The following RASAL1 variants were observed in gnomAD, a reference collection of about 807,000 sequenced individuals.
The protein encoded by RASAL1 is RAS protein activator like 1, also known as rasGAP-activating-like protein 1.
In RASAL1, 72 loss-of-function variants were observed where a neutral mutation model predicts 96.6. That is an observed-to-expected ratio of 0.75 (90% CI 0.62 to 0.91). The LOEUF (loss-of-function observed/expected upper bound fraction) is 0.91. Among genes scored for constraint, RASAL1 ranks in the 40% least tolerant of loss-of-function variants. The pLI is 0.00. For synonymous variants in RASAL1, 405 were observed against 430.4 expected (o/e 0.94, Z 0.73); for missense variants, 1,016 against 1,072.5 (o/e 0.95, Z 0.74).
Position 113,135,463 on chromosome 12 carries a change from G to A in RASAL1, c.-1C>T, listed in dbSNP as rs200175893. On this transcript the variant is annotated 5_prime_UTR_variant, in exon 1 of 21. Coordinates refer to ENST00000548055, the MANE Select transcript of RASAL1 (RefSeq NM_001301202.2). The surrounding 1 kb of genome is among the most constrained non-coding windows in gnomAD (Gnocchi z 5.7). ...CATTCAGGGAGCTGCTCTTGGCCAT[G>A]GCGCCTAGCCACAAACTTTCCAGGC... is the stretch of plus-strand genomic sequence containing the variant. The A allele has an allele frequency of 6.2e-7, 1 of 1,604,984 alleles. No individual in the cohort carries two copies. Among genetic ancestry groups the A allele is most frequent in the East Asian group, 2.3e-5 (1 of 44,340 alleles).
Position 113,130,320 on chromosome 12 carries a change from G to T in RASAL1, c.122+565C>A, listed in dbSNP as rs957758482. On this transcript the variant is annotated intron_variant, in intron 2 of 20. Coordinates refer to ENST00000548055, the MANE Select transcript of RASAL1 (RefSeq NM_001301202.2). This position sits in a 1 kb window ranked among gnomAD's most constrained non-coding sequence, Gnocchi z 5.1. ...CTTTGTGACCAAATCAGCTGGCATT[G>T]GTGTTCACATGCATGTGCAGGGCAG... Among the ~76,000 whole-genome samples the T allele has an allele frequency of 1.3e-5, 2 of 152,192 alleles. No homozygotes were observed. The highest frequency in any genetic ancestry group is 2.9e-5 in the Non-Finnish European group (2 of 68,026).
In RASAL1 at chr12:113,130,902, G is replaced by T; in HGVS notation, c.105C>A (p.Asp35Glu). Reference sequence around the variant, plus strand: ...CCCCTCACCTGGCCACCACCTCGTCGTCCACTTTCACTAGGCAGTAGGGGT... The same window carrying T: ...CCCCTCACCTGGCCACCACCTCGTCTTCCACTTTCACTAGGCAGTAGGGGT... ...SSDPYCLVKV[D>E]DEVVARTATV... The change falls in exon 2 of 21, where the codon GAC (aspartate) becomes GAA (glutamate). Residue 35 changes from aspartate (D) to glutamate (E), a missense_variant. By Grantham distance (45) the Asp-to-Glu change is conservative. Transcript: ENST00000548055. This position sits in a 1 kb window ranked among gnomAD's most constrained non-coding sequence, Gnocchi z 5.1. 2 of 1,613,282 alleles carry T rather than the reference G, an allele frequency of 1.2e-6. No homozygotes were observed. Among genetic ancestry groups the T allele is most frequent in the Non-Finnish European group, 1.7e-6 (2 of 1,179,656 alleles).
Position 113,129,118 on chromosome 12 carries a change from C to G in RASAL1, c.123-940G>C, listed in dbSNP as rs546161471. Among the ~76,000 whole-genome samples the G allele has an allele frequency of 1.3e-5, 2 of 152,330 alleles. No homozygotes were observed. The highest frequency in any genetic ancestry group is 4.1e-4 in the South Asian group (2 of 4,826). On this transcript the variant is annotated intron_variant, in intron 2 of 20. Coordinates refer to ENST00000548055, the MANE Select transcript of RASAL1 (RefSeq NM_001301202.2). This position sits in a 1 kb window ranked among gnomAD's most constrained non-coding sequence, Gnocchi z 5.0. Reference sequence around the variant, plus strand: ...GAACAGGTGTCAGGGCTGCTTACCCCACAGACCCCCCTTCCACAAGCAGGC... The same window carrying G: ...GAACAGGTGTCAGGGCTGCTTACCCGACAGACCCCCCTTCCACAAGCAGGC...
At position 113,135,477 on chromosome 12, in the gene RASAL1, A is replaced by C; in HGVS notation, c.-15T>G. The C allele has an allele frequency of 6.2e-7, 1 of 1,600,288 alleles. No homozygotes were observed. Among genetic ancestry groups the C allele is most frequent in the Non-Finnish European group, 8.5e-7 (1 of 1,174,164 alleles). On this transcript the variant is annotated 5_prime_UTR_variant, in exon 1 of 21. Transcript: ENST00000548055. The surrounding 1 kb of genome is among the most constrained non-coding windows in gnomAD (Gnocchi z 5.7). Reference sequence around the variant, plus strand: ...CTCTTGGCCATGGCGCCTAGCCACAAACTTTCCAGGCAGAAGGGCGCTCAG... The same window carrying C: ...CTCTTGGCCATGGCGCCTAGCCACACACTTTCCAGGCAGAAGGGCGCTCAG...
intron 12 of RASAL1, among the ~76,000 whole-genome samples, chr12:113,113,315 C>T (rs1025743055): frequency 2.6e-5 from 4 of 152,084 alleles, no homozygotes; most frequent in South Asian, 4.1e-4. Flanking sequence ...TACTTGTTCC[C>T]GTTTAACAGA....
intron 12 of RASAL1, 30 bp from the exon 13 acceptor site, chr12:113,112,308 CG>C (rs755889786): frequency 1.6e-6 from 2 of 1,249,664 alleles, no homozygotes; most frequent in Middle Eastern, 2.1e-4. Flanking sequence ...AGCTCAGCCT[CG>C]GGGCACAACA....
chr12:113,104,306 A>G lies in RASAL1; in HGVS notation c.1831-8T>C. On this transcript the variant is annotated splice_polypyrimidine_tract_variant and splice_region_variant and intron_variant, in intron 16 of 20. Transcript: ENST00000548055. Reference sequence around the variant, plus strand: ...GGGGATGGAGTGACACATCTGGGGAAGAGGATTGTCGCTGCAGGATGGGCT... The same window carrying G: ...GGGGATGGAGTGACACATCTGGGGAGGAGGATTGTCGCTGCAGGATGGGCT... The G allele has an allele frequency of 1.9e-6, 3 of 1,554,906 alleles. No individual in the cohort carries two copies. The highest frequency in any genetic ancestry group is 2.6e-6 in the Non-Finnish European group (3 of 1,148,162).
chr12:113,119,374 G>T lies in RASAL1; in HGVS notation c.498C>A (p.Ser166Arg), dbSNP rs773168362. ...PFARVFWGSQ[S>R]LETSTIKKTR... ...CCCCACCACTCACTGAGGTCTCCAA[G>T]CTCTGGCTGCCCCAAAACACACGTG... Residue 166 changes from serine (S) to arginine (R), a missense_variant, in exon 6 of 21, where the codon AGC becomes AGA. By Grantham distance (110) the Ser-to-Arg change is moderately radical. Transcript: ENST00000548055. 3.5e-5 allele frequency: 56 copies of T among 1,612,612 alleles called. No individual in the cohort carries two copies. Among genetic ancestry groups the T allele is most frequent in the Middle Eastern group, 1.6e-4 (1 of 6,084 alleles).
intron 2 of RASAL1, 92 bp from the exon 3 acceptor site, chr12:113,128,270 A>C: frequency 1.3e-6 from 1 of 746,942 alleles, no homozygotes; most frequent in Non-Finnish European, 2.3e-6. Context: ...ACACACACAC[A>C]CACACACACA....
At chr12:113,102,092 T>A in intron 18 of RASAL1, 83 bp from the exon 19 acceptor site, 1 of 1,514,074 alleles carries the variant, frequency 6.6e-7, no homozygotes. Flanking sequence ...CAAGCCGTGC[T>A]CCTTCTTCCT....
rs542172434 is a variant in RASAL1, at chr12:113,099,466, C to G, written c.*463G>C. ...GGAGTCCTAGGCCAAGGGCAGGGTACAGAAGAATCAGTGAGGTTATAGGGA... is the reference window on the plus strand; with the variant it reads ...GGAGTCCTAGGCCAAGGGCAGGGTAGAGAAGAATCAGTGAGGTTATAGGGA... On this transcript the variant is annotated 3_prime_UTR_variant, in exon 21 of 21. Coordinates refer to ENST00000548055, the MANE Select transcript of RASAL1 (RefSeq NM_001301202.2). The G allele has an allele frequency of 4.6e-5, 7 of 152,716 alleles. No homozygotes were observed. Among genetic ancestry groups the G allele is most frequent in the Non-Finnish European group, 8.8e-5 (6 of 68,428 alleles). 9.5% of individuals were successfully genotyped at this position (152,716 alleles called of 1,614,324 possible).
rs552038949 is a variant in RASAL1 at position 113,099,805 on chromosome 12, C to T, written c.*124G>A. The T allele has an allele frequency of 7.2e-7, 1 of 1,396,356 alleles. No homozygotes were observed. The highest frequency in any genetic ancestry group is 1.4e-5 in the African/African-American group (1 of 69,384). 86.5% of individuals were successfully genotyped at this position (1,396,356 alleles called of 1,614,324 possible). On this transcript the variant is annotated 3_prime_UTR_variant, in exon 21 of 21. Transcript: ENST00000548055. ...TCAAGGCACACAGGACTAGGCACGTCTCTGGGAGCCTCCAAACCACAGAAT... is the reference window on the plus strand; with the variant it reads ...TCAAGGCACACAGGACTAGGCACGTTTCTGGGAGCCTCCAAACCACAGAAT...
chr12:113,118,976 G>T, intron 7 of RASAL1, 152 bp downstream of exon 7: 1 of 984,980 alleles, frequency 1.0e-6, no homozygotes, highest in Non-Finnish European at 1.5e-6. Context: ...ACAGAGCAAT[G>T]AAACTGCAAC....
At chr12:113,102,151 C>T in intron 18 of RASAL1, 142 bp from the exon 19 acceptor site, 1 of 1,035,396 alleles carries the variant, frequency 9.7e-7, no homozygotes, top group Non-Finnish European at 1.4e-6. Context: ...CACGGTGGCT[C>T]ATGCCTGTAA....
intron 13 of RASAL1, among the ~76,000 whole-genome samples, chr12:113,108,822 C>CT (rs987785995): frequency 3.6e-4 from 50 of 137,690 alleles, no homozygotes; most frequent in East Asian, 6.4e-4. Context: ...GATTATTTTT[C>CT]TTTTTTTTTT....
At chr12:113,112,327 G>A in intron 12 of RASAL1, 49 bp from the exon 13 acceptor site, 12 of 1,235,710 alleles carry the variant, frequency 9.7e-6, no homozygotes, top group Non-Finnish European at 1.2e-5. Flanking sequence ...ACATCTGCCT[G>A]CTCCAAACCC....
In RASAL1 at chr12:113,114,824, C is replaced by T; in HGVS notation, c.1157G>A (p.Cys386Tyr). The change falls in exon 12 of 21, where the codon TGC becomes TAC. Residue 386 changes from cysteine (C) to tyrosine (Y), a missense_variant. By Grantham distance (194) the Cys-to-Tyr change is radical. Transcript: ENST00000548055. ...CCGGGTGCGGCCCAGGTCCATCTTG[C>T]AGGGATCCAGCTCCATGTACTTCTT... ...EEKKYMELDP[C>Y]KMDLGRTRRI... is the part of the protein sequence containing the mutation. 1.2e-6 allele frequency: 2 copies of T among 1,614,092 alleles called. No individual in the cohort carries two copies. Among genetic ancestry groups the T allele is most frequent in the Non-Finnish European group, 8.5e-7 (1 of 1,179,962 alleles).
chr12:113,108,564 C>A (rs570183225), intron 13 of RASAL1, among the ~76,000 whole-genome samples: 1 of 152,298 alleles, frequency 6.6e-6, no homozygotes, highest in South Asian at 2.1e-4. Flanking sequence ...AGACATCAAG[C>A]GATTTGCCCA....
At position 113,117,135 on chromosome 12, in the gene RASAL1, C is replaced by T. The variant is rs752741130; in HGVS notation, c.669G>A (p.Gln223=). The change falls in exon 8 of 21, where the codon CAG becomes CAA. Residue 223 remains glutamine, a synonymous_variant. Transcript: ENST00000548055. ...GMVEFSPKTL[Q]QKPPKGWFRL... is the part of the protein sequence containing the mutation. Reference sequence around the variant, plus strand: ...GGAACCAGCCTTTAGGTGGCTTCTGCTGGAGGGTCTTTGGAGAGAACTCCA... The same window carrying T: ...GGAACCAGCCTTTAGGTGGCTTCTGTTGGAGGGTCTTTGGAGAGAACTCCA... The T allele has an allele frequency of 1.2e-6, 2 of 1,608,506 alleles. No individual in the cohort carries two copies. Among genetic ancestry groups the T allele is most frequent in the Non-Finnish European group, 1.7e-6 (2 of 1,175,832 alleles).
Sources: gnomAD v4.1 joint callset for allele counts (sites outside exome capture counted in the v4.1 genomes callset) on GRCh38, gnomAD v4.1.1 for gene constraint, Gnocchi (gnomAD v3.1) non-coding constraint, MANE v1.5 for transcripts, NCBI Gene and HGNC (gene_info 2026-07-23, HGNC 2026-07-21) for gene names.